GMEB1: variants seen among roughly 807,000 people sequenced by gnomAD.
GMEB1 encodes glucocorticoid modulatory element binding protein 1, also known as glucocorticoid modulatory element-binding protein 1.
Under a neutral mutation model 52.4 loss-of-function variants are expected in GMEB1, and 6 were observed. The ratio of observed to expected loss-of-function variants is 0.11; its 90% confidence interval spans 0.06 to 0.23. The LOEUF is 0.23. GMEB1 is among the 10% of genes least tolerant of loss of function. GMEB1 has a pLI of 1.00. For missense variants in GMEB1, 486 were observed against 685.6 expected (o/e 0.71, Z 3.25); for synonymous variants, 255 against 244.9 (o/e 1.04, Z -0.38).
At position 28,670,898 on chromosome 1, in the gene GMEB1, AG is replaced by A. The variant is rs532712298; in HGVS notation, c.-31+2061del. On this transcript the variant is annotated intron_variant, in intron 1 of 9. Transcript: ENST00000373816. ...ATTTACTTCAGCAAATACATTGTAT[AG>A]GTAGCTTCTACTCAGCTTCATTGGG... Among the ~76,000 whole-genome samples the A allele has an allele frequency of 1.2e-4, 18 of 152,296 alleles. No homozygotes were observed. In the South Asian group the frequency reaches 3.5e-3, roughly 30 times the overall value.
chr1:28,696,615 T>C (rs1670221631), intron 5 of GMEB1, among the ~76,000 whole-genome samples: 1 of 152,166 alleles, frequency 6.6e-6, no homozygotes, highest in African/African-American at 2.4e-5. Flanking sequence ...TATAGTGAAC[T>C]TTTTTCTGTA....
At chr1:28,706,881 C>T (rs1243961136) in intron 8 of GMEB1, among the ~76,000 whole-genome samples, 5 of 150,788 alleles carry the variant, frequency 3.3e-5, no homozygotes, top group Non-Finnish European at 7.4e-5. Flanking sequence ...TGGCCAGGCT[C>T]GTCCTGAATT....
intron 8 of GMEB1, among the ~76,000 whole-genome samples, chr1:28,709,745 T>TTTTA (rs1392714881): frequency 3.3e-5 from 5 of 152,028 alleles, no homozygotes; most frequent in South Asian, 2.1e-4. Flanking sequence ...ACCGAGCTAA[T>TTTTA]TTTATTTATT....
chr1:28,690,786 GC>G (rs956587156), intron 3 of GMEB1, among the ~76,000 whole-genome samples: 1 of 152,022 alleles, frequency 6.6e-6, no homozygotes, highest in African/African-American at 2.4e-5. Context: ...TTTGAGACCA[GC>G]CTGGCCAACA....
chr1:28,706,998 T>C lies in GMEB1; in HGVS notation c.868+2669T>C, dbSNP rs1187385127. 6.4e-5 allele frequency among the ~76,000 whole-genome samples: 9 copies of C among 140,540 alleles called. No individual in the cohort carries two copies. In the South Asian group the frequency reaches 2.2e-3, roughly 34 times the overall value. 92.2% of individuals were successfully genotyped at this position (140,540 alleles called of 152,430 possible). A position where few individuals can be genotyped will look rare whatever the true frequency, so the allele number is the denominator to read the frequency against. On this transcript the variant is annotated intron_variant, in intron 8 of 9. Transcript: ENST00000373816. ...TTTGGTTTTTTTTTTTTTTTTTTTT[T>C]TTTTGAGATGGAGTCTTGCTGTCTC...
At chr1:28,705,205 A>G (rs1015853286) in intron 8 of GMEB1, among the ~76,000 whole-genome samples, 14 of 151,324 alleles carry the variant, frequency 9.3e-5, no homozygotes, top group African/African-American at 2.9e-4. Flanking sequence ...CCTGGCCAAC[A>G]TGGTGAAAAC....
At position 28,710,653 on chromosome 1, in the gene GMEB1, G is replaced by A. The variant is rs1316501900; in HGVS notation, c.991+11G>A. 3 of 1,527,650 alleles carry A rather than the reference G, an allele frequency of 2.0e-6. No homozygotes were observed. Among genetic ancestry groups the A allele is most frequent in the Non-Finnish European group, 2.6e-6 (3 of 1,137,760 alleles). 94.6% of individuals were successfully genotyped at this position (1,527,650 alleles called of 1,614,324 possible). On this transcript the variant is annotated intron_variant, in intron 9 of 9. Coordinates refer to ENST00000373816, the MANE Select transcript of GMEB1 (RefSeq NM_001319674.2). ...TCTATACTCTGACAGGTATGTATAAGTTATCGCTCTTCTTCGGTGATATCA... is the reference window on the plus strand; with the variant it reads ...TCTATACTCTGACAGGTATGTATAAATTATCGCTCTTCTTCGGTGATATCA...
At chr1:28,675,477 T>C (rs1475299542) in intron 1 of GMEB1, among the ~76,000 whole-genome samples, 1 of 151,826 alleles carries the variant, frequency 6.6e-6, no homozygotes, top group Non-Finnish European at 1.5e-5. Context: ...CCAGGAGTTC[T>C]GACACCAGCC....
At chr1:28,687,055 G>A (rs1212337685) in intron 2 of GMEB1, among the ~76,000 whole-genome samples, 2 of 152,002 alleles carry the variant, frequency 1.3e-5, no homozygotes, top group African/African-American at 4.8e-5. Flanking sequence ...ACAGATAGGA[G>A]ATTGGTGCAG....
chr1:28,700,058 C>CAAAAAA (rs34231884), intron 6 of GMEB1, among the ~76,000 whole-genome samples: 2 of 61,138 alleles, frequency 3.3e-5, no homozygotes, highest in Non-Finnish European at 6.1e-5. Flanking sequence ...GACCCTGTCT[C>CAAAAAA]AAAAAAAAAA....
chr1:28,685,222 T>C (rs963406814), intron 2 of GMEB1, among the ~76,000 whole-genome samples: 5 of 152,042 alleles, frequency 3.3e-5, no homozygotes, highest in Admixed American at 6.6e-5. Context: ...TTTTTTTTTT[T>C]TCGTTGAGAT....
intron 9 of GMEB1, among the ~76,000 whole-genome samples, chr1:28,713,724 C>T (rs1489943691): frequency 6.6e-6 from 1 of 152,134 alleles, no homozygotes; most frequent in Non-Finnish European, 1.5e-5. Context: ...GCCATTGTAG[C>T]TCCTTTGTAG....
chr1:28,714,873 T>TAAAAAAA lies in GMEB1; in HGVS notation c.*107_*113dup. 1.7e-6 allele frequency: 1 copy of TAAAAAAA among 595,396 alleles called. No individual in the cohort carries two copies. Among genetic ancestry groups the TAAAAAAA allele is most frequent in the Non-Finnish European group, 2.7e-6 (1 of 373,698 alleles). The allele number at this position is 595,396 out of a possible 1,614,324, so 36.9% of individuals were successfully genotyped here. On this transcript the variant is annotated 3_prime_UTR_variant, in exon 10 of 10. Coordinates refer to ENST00000373816, the MANE Select transcript of GMEB1 (RefSeq NM_001319674.2). ...CTCATTTCCACATAGGACCCTTTTT[T>TAAAAAAA]AAAAAAAAAAAAACAAAATCTTATT...
intron 1 of GMEB1, among the ~76,000 whole-genome samples, chr1:28,670,006 C>T (rs1367674686): frequency 6.6e-6 from 1 of 152,246 alleles, no homozygotes; most frequent in Middle Eastern, 3.4e-3. Flanking sequence ...TCCTAGTAGA[C>T]ACAGATGGGG....
rs201230287 is a variant in GMEB1 at position 28,714,147 on chromosome 1, G to C, written c.1066G>C (p.Val356Leu). 4 of 1,614,162 alleles carry C rather than the reference G, an allele frequency of 2.5e-6. No individual in the cohort carries two copies. The highest frequency in any genetic ancestry group is 3.3e-5 in the Admixed American group (2 of 60,020). Residue 356 changes from valine to leucine, a missense_variant, in exon 10 of 10, where the codon GTG (valine) becomes CTG (leucine). Physicochemically the swap from Val to Leu is conservative, Grantham distance 32. This residue lies in a region of GMEB1 where 200 missense variants were observed against 253.5 expected (regional missense o/e 0.79). Coordinates refer to ENST00000373816, the MANE Select transcript of GMEB1 (RefSeq NM_001319674.2). ...HRLKSQTVQN[V>L]VLMPVSTPKP... ...GCTGAAATCTCAGACAGTTCAAAATGTGGTACTGATGCCTGTGAGCACTCC... is the reference window on the plus strand; with the variant it reads ...GCTGAAATCTCAGACAGTTCAAAATCTGGTACTGATGCCTGTGAGCACTCC...
rs899048044 is a variant in GMEB1, at chr1:28,711,179, G to A, written c.991+537G>A. The stretch of plus-strand genomic sequence containing the variant: ...CGCGTGCCTGTAGCCCCAGCTACTC[G>A]GGAGGCTGAGGCAGGAGAAGGGCGT... On this transcript the variant is annotated intron_variant, in intron 9 of 9. Transcript: ENST00000373816. Among the ~76,000 whole-genome samples the A allele has an allele frequency of 4.0e-5, 6 of 151,876 alleles. No individual in the cohort carries two copies. In the East Asian group the frequency reaches 7.7e-4, roughly 20 times the overall value.
intron 1 of GMEB1, among the ~76,000 whole-genome samples, chr1:28,673,906 G>C (rs1352025420): frequency 1.3e-5 from 2 of 151,982 alleles, no homozygotes; most frequent in Non-Finnish European, 2.9e-5. Flanking sequence ...CCAGCACTTT[G>C]GGAGGCCGTG....
At position 28,690,089 on chromosome 1, in the gene GMEB1, A is replaced by T. The variant is rs1341641218; in HGVS notation, c.129-15A>T. The T allele has an allele frequency of 6.3e-7, 1 of 1,581,264 alleles. No homozygotes were observed. The highest frequency in any genetic ancestry group is 1.8e-5 in the Admixed American group (1 of 56,284). ...ATTTATGTAGTTTGTTTATCGATGGACACTTTTACAACAGGATTTATGAAG... is the reference window on the plus strand; with the variant it reads ...ATTTATGTAGTTTGTTTATCGATGGTCACTTTTACAACAGGATTTATGAAG... On this transcript the variant is annotated splice_polypyrimidine_tract_variant and intron_variant, in intron 2 of 9. Coordinates refer to ENST00000373816, the MANE Select transcript of GMEB1 (RefSeq NM_001319674.2).
In GMEB1 at chr1:28,718,412, A is replaced by G. The variant is rs1004696809; in HGVS notation, c.*3639A>G. The G allele has an allele frequency of 6.6e-6, 1 of 152,210 alleles. No homozygotes were observed. The highest frequency in any genetic ancestry group is 6.5e-5 in the Admixed American group (1 of 15,282). 9.4% of individuals were successfully genotyped at this position (152,210 alleles called of 1,614,324 possible). ...CAAGAGTTTAAGACTAGCCTGGTCAACATAGCCAGACCCCATCTCTATAAA... is the reference window on the plus strand; with the variant it reads ...CAAGAGTTTAAGACTAGCCTGGTCAGCATAGCCAGACCCCATCTCTATAAA... On this transcript the variant is annotated 3_prime_UTR_variant, in exon 10 of 10. Coordinates refer to ENST00000373816, the MANE Select transcript of GMEB1 (RefSeq NM_001319674.2).
Sources: allele counts gnomAD v4.1 joint callset (sites outside exome capture counted in the v4.1 genomes callset), GRCh38; gene constraint gnomAD v4.1.1; regional missense constraint gnomAD v4.1.1; transcripts MANE v1.5; gene names NCBI Gene and HGNC (gene_info 2026-07-23, HGNC 2026-07-21).